Variants in ATP8A1 observed in about 807,000 individuals in gnomAD.
ATP8A1 encodes ATPase phospholipid transporting 8A1, also known as phospholipid-transporting ATPase IA.
ATP8A1 carries 90 observed loss-of-function variants against 177.7 expected under a neutral mutation model. The observed-to-expected ratio is 0.51, with a 90% CI of 0.43 to 0.60. The LOEUF is 0.60. Ranked by LOEUF, ATP8A1 falls within the 20% of genes least tolerant of loss-of-function variation. The pLI, the probability that ATP8A1 is intolerant of heterozygous loss-of-function variation, is 0.00. For synonymous variants in ATP8A1, 493 were observed against 485.9 expected, an observed-to-expected ratio of 1.01 and a Z score of -0.19; for missense variants, 1,072 against 1,392.8, an observed-to-expected ratio of 0.77 and a Z score of 3.67.
At position 42,625,583 on chromosome 4, in the gene ATP8A1, C is replaced by T. The variant is rs760455118; in HGVS notation, c.264+31G>A. 6.9e-6 allele frequency: 10 copies of T among 1,454,098 alleles called. No individual in the cohort carries two copies. In the Middle Eastern group the frequency reaches 5.2e-4, roughly 75 times the overall value. The allele number at this position is 1,454,098 out of a possible 1,614,324, so 90.1% of individuals were successfully genotyped here. A position where few individuals can be genotyped will look rare whatever the true frequency, so the allele number is the denominator to read the frequency against. On this transcript the variant is annotated intron_variant, in intron 3 of 36. Coordinates refer to ENST00000381668, the MANE Select transcript of ATP8A1 (RefSeq NM_006095.2). The stretch of plus-strand genomic sequence containing the variant: ...GGCTTAACATTTATTAGTACCTGAA[C>T]ATTTGACAAGGTTTTATGACGTGAC...
intron 34 of ATP8A1, 70 bp from the exon 35 acceptor site, chr4:42,422,969 G>C (rs1714164224): frequency 8.1e-7 from 1 of 1,231,058 alleles, no homozygotes; most frequent in Non-Finnish European, 1.2e-6. Context: ...CTAGATGTCT[G>C]GCTTATTATC....
At chr4:42,444,031 T>C (rs6838816) in intron 32 of ATP8A1, among the ~76,000 whole-genome samples, 3 of 152,020 alleles carry the variant, frequency 2.0e-5, no homozygotes, top group Admixed American at 6.5e-5. Context: ...ATTATATGTA[T>C]GCTGATGGCT....
At chr4:42,459,790 T>C (rs1469889911) in intron 27 of ATP8A1, among the ~76,000 whole-genome samples, 1 of 152,136 alleles carries the variant, frequency 6.6e-6, no homozygotes, top group East Asian at 1.9e-4. Flanking sequence ...TTTTTAATTT[T>C]TATTTATTTA....
Position 42,507,146 on chromosome 4 carries a change from C to A in ATP8A1, c.1956G>T (p.Gln652His), listed in dbSNP as rs1171942397. The A allele has an allele frequency of 6.2e-7, 1 of 1,609,438 alleles. No homozygotes were observed. Among genetic ancestry groups the A allele is most frequent in the Non-Finnish European group, 8.5e-7 (1 of 1,178,988 alleles). Reference protein sequence around the residue: ...ESYELIEKNLQLLGATAIEDK... With the variant: ...ESYELIEKNLHLLGATAIEDK... ...CCTCAATGGCTGTTGCTCCAAGTAGCTGAAGATTCTGAAAAAAATTAGTGG... is the reference window on the plus strand; with the variant it reads ...CCTCAATGGCTGTTGCTCCAAGTAGATGAAGATTCTGAAAAAAATTAGTGG... The change falls in exon 23 of 37, where the codon CAG (glutamine) becomes CAT (histidine). Residue 652 changes from glutamine (Q) to histidine (H), a missense_variant. Gln to His is a conservative substitution (Grantham distance 24). Transcript: ENST00000381668.
At chr4:42,488,723 C>T (rs900744251) in intron 24 of ATP8A1, among the ~76,000 whole-genome samples, 1 of 152,252 alleles carries the variant, frequency 6.6e-6, no homozygotes, top group South Asian at 2.1e-4. Context: ...TTGTTTCCCT[C>T]TTCCTGGAAT....
intron 19 of ATP8A1, among the ~76,000 whole-genome samples, chr4:42,547,505 T>C (rs191218590): frequency 5.5e-4 from 84 of 152,342 alleles, no homozygotes; most frequent in Non-Finnish European, 1.5e-5. Flanking sequence ...TTCATGGCAC[T>C]CATCACCTAG....
intron 1 of ATP8A1, among the ~76,000 whole-genome samples, chr4:42,645,283 T>C (rs746806512): frequency 4.6e-5 from 7 of 152,226 alleles, no homozygotes; most frequent in Non-Finnish European, 1.0e-4. Flanking sequence ...GCTAACTGGA[T>C]GATACACAAT....
intron 5 of ATP8A1, among the ~76,000 whole-genome samples, chr4:42,602,547 TGAG>T (rs1182175392): frequency 6.6e-6 from 1 of 152,150 alleles, no homozygotes; most frequent in Non-Finnish European, 1.5e-5. Flanking sequence ...GCGGATCACC[TGAG>T]GTCAGGCGTT....
At chr4:42,569,437 C>T (rs1731692165) in intron 14 of ATP8A1, among the ~76,000 whole-genome samples, 1 of 152,130 alleles carries the variant, frequency 6.6e-6, no homozygotes, top group African/African-American at 2.4e-5. Context: ...GCCAATTTGC[C>T]TCTTCACCAG....
intron 4 of ATP8A1, among the ~76,000 whole-genome samples, chr4:42,621,773 C>T (rs1013217996): frequency 6.6e-6 from 1 of 152,138 alleles, no homozygotes; most frequent in Non-Finnish European, 1.5e-5. Flanking sequence ...ATAGCCAAGG[C>T]AATTCTAAGC....
chr4:42,557,417 GT>G (rs758098301), intron 15 of ATP8A1, among the ~76,000 whole-genome samples: 2 of 152,294 alleles, frequency 1.3e-5, no homozygotes, highest in Non-Finnish European at 2.9e-5. Context: ...GTTTGTAGCT[GT>G]ACTTTTCTAC....
At chr4:42,585,164 T>C (rs1399540674) in intron 9 of ATP8A1, among the ~76,000 whole-genome samples, 1 of 152,142 alleles carries the variant, frequency 6.6e-6, no homozygotes, top group Non-Finnish European at 1.5e-5. Context: ...CCACTCATCA[T>C]TGCTCAAATG....
chr4:42,570,307 A>G lies in ATP8A1; in HGVS notation c.1296-1102T>C, dbSNP rs114991638. ...TTGTGCCTGCTTAAGAAGAAGGGCT[A>G]ATCAAGCCCTTTGTGGGCTGGACTC... On this transcript the variant is annotated intron_variant, in intron 14 of 36. Coordinates refer to ENST00000381668, the MANE Select transcript of ATP8A1 (RefSeq NM_006095.2). Among the ~76,000 whole-genome samples the G allele has an allele frequency of 3.0e-3, 456 of 152,334 alleles. 2 individuals are homozygous for G. The highest frequency in any genetic ancestry group is 0.02 in the Middle Eastern group (6 of 294).
chr4:42,444,568 AT>A lies in ATP8A1; in HGVS notation c.3015+9del. On this transcript the variant is annotated intron_variant, in intron 32 of 36. Coordinates refer to ENST00000381668, the MANE Select transcript of ATP8A1 (RefSeq NM_006095.2). ...TGACATTTCTTGGTTGTGGTTAGAT[AT>A]TTTCTTACCCATGTCCAATATGATG... 2 of 1,612,390 alleles carry A rather than the reference AT, an allele frequency of 1.2e-6. No individual in the cohort carries two copies. Among genetic ancestry groups the A allele is most frequent in the Non-Finnish European group, 1.7e-6 (2 of 1,178,726 alleles).
At position 42,590,830 on chromosome 4, in the gene ATP8A1, G is replaced by T. The variant is rs752912710; in HGVS notation, c.505C>A (p.Leu169Ile). Residue 169 changes from leucine to isoleucine, a missense_variant, in exon 7 of 37, where the codon CTC becomes ATC. Physicochemically the swap from Leu to Ile is conservative, Grantham distance 5. This residue lies in a region of ATP8A1 where 344 missense variants were observed against 393.5 expected (regional missense o/e 0.87). Coordinates refer to ENST00000381668, the MANE Select transcript of ATP8A1 (RefSeq NM_006095.2). The part of the protein sequence containing the change: ...VTNGEHLPAD[L>I]ISLSSSEPQA... ...TCTAACCTTGAGGACAGACTGATGA[G>T]ATCTGCTGGGAGATGTTCCCCATTG... 1.2e-6 allele frequency: 2 copies of T among 1,613,282 alleles called. No homozygotes were observed. The highest frequency in any genetic ancestry group is 2.7e-5 in the African/African-American group (2 of 74,710).
chr4:42,557,054 A>G (rs1203550349), intron 15 of ATP8A1, among the ~76,000 whole-genome samples: 1 of 152,226 alleles, frequency 6.6e-6, no homozygotes, highest in African/African-American at 2.4e-5. Flanking sequence ...AGGAGAGAAC[A>G]TACATAGTAT....
chr4:42,418,304 T>C (rs1055218250), intron 35 of ATP8A1, among the ~76,000 whole-genome samples: 1 of 152,184 alleles, frequency 6.6e-6, no homozygotes, highest in Admixed American at 6.6e-5. Context: ...AATGATGATA[T>C]GCTGGCTAAT....
At chr4:42,442,219 T>C (rs1194233949) in intron 33 of ATP8A1, among the ~76,000 whole-genome samples, 1 of 152,136 alleles carries the variant, frequency 6.6e-6, no homozygotes, top group Non-Finnish European at 1.5e-5. Flanking sequence ...AGAAATGAGA[T>C]AAAGGAAGGC....
intron 5 of ATP8A1, among the ~76,000 whole-genome samples, chr4:42,608,271 G>A (rs999134002): frequency 1.4e-4 from 9 of 62,630 alleles, no homozygotes; most frequent in Admixed American, 3.3e-4. Flanking sequence ...AGAGAAGCAC[G>A]CCTCCCACCC....
Sources: gnomAD v4.1 joint callset for allele counts (sites outside exome capture counted in the v4.1 genomes callset) on GRCh38, gnomAD v4.1.1 for gene constraint, gnomAD v4.1.1 regional missense constraint, MANE v1.5 for transcripts, NCBI Gene and HGNC (gene_info 2026-07-23, HGNC 2026-07-21) for gene names.